The following GRID1 variants were observed in gnomAD, a reference collection of about 807,000 sequenced individuals.
The protein encoded by GRID1 is glutamate receptor ionotropic, delta-1.
Under a neutral mutation model 98.0 loss-of-function variants are expected in GRID1, and 28 were observed. The observed-to-expected ratio is 0.29, with a 90% CI of 0.21 to 0.39. The LOEUF is 0.39. GRID1 is among the 10% of genes least tolerant of loss of function. The pLI, the probability that GRID1 is intolerant of heterozygous loss-of-function variation, is 1.00. For missense variants in GRID1, 1,111 were observed against 1,340.5 expected (o/e 0.83, Z 2.67); for synonymous variants, 553 against 538.5 (o/e 1.03, Z -0.37).
intron 8 of GRID1, among the ~76,000 whole-genome samples, chr10:85,780,224 T>C (rs2132725219): frequency 6.6e-6 from 1 of 152,316 alleles, no homozygotes; most frequent in Admixed American, 6.5e-5. Flanking sequence ...GAGGCCACTG[T>C]CCACTCAGAG....
chr10:86,285,570 C>A (rs1847419579), intron 2 of GRID1, among the ~76,000 whole-genome samples: 1 of 152,220 alleles, frequency 6.6e-6, no homozygotes, highest in Non-Finnish European at 1.5e-5. Flanking sequence ...ACTGTGCCCA[C>A]CACCTGGCCT....
chr10:86,043,542 C>G (rs1843377304), intron 4 of GRID1, among the ~76,000 whole-genome samples: 5 of 152,162 alleles, frequency 3.3e-5, no homozygotes, highest in Admixed American at 1.3e-4. Flanking sequence ...AGGCTGGGGC[C>G]TGGAGGAGCA....
At chr10:85,925,596 G>T (rs1841763634) in intron 4 of GRID1, among the ~76,000 whole-genome samples, 1 of 152,224 alleles carries the variant, frequency 6.6e-6, no homozygotes, top group African/African-American at 2.4e-5. Context: ...AAACTGATTA[G>T]AAATGTTTTC....
At chr10:85,827,349 G>C (rs1842829078) in intron 8 of GRID1, among the ~76,000 whole-genome samples, 1 of 152,014 alleles carries the variant, frequency 6.6e-6, no homozygotes, top group African/African-American at 2.4e-5. Context: ...AGTATCAACA[G>C]CAGAATTGAC....
intron 4 of GRID1, among the ~76,000 whole-genome samples, chr10:85,971,554 A>G (rs1842408703): frequency 6.6e-6 from 1 of 152,170 alleles, no homozygotes; most frequent in African/African-American, 2.4e-5. Context: ...CAAGCCTTTT[A>G]CAAAACAGGA....
intron 3 of GRID1, among the ~76,000 whole-genome samples, chr10:86,203,428 C>T (rs918785179): frequency 1.3e-5 from 2 of 151,964 alleles, no homozygotes; most frequent in Non-Finnish European, 2.9e-5. Context: ...CATCAAACAG[C>T]AGATAGGCTG....
intron 12 of GRID1, among the ~76,000 whole-genome samples, chr10:85,705,254 T>G (rs1034247860): frequency 6.6e-6 from 1 of 151,194 alleles, no homozygotes; most frequent in Non-Finnish European, 1.5e-5. Flanking sequence ...GAGAGAAGAA[T>G]CAAATAGATG....
Position 85,722,988 on chromosome 10 carries a change from G to A in GRID1, c.1997+15C>T. 2 of 1,600,252 alleles carry A rather than the reference G, an allele frequency of 1.2e-6. No homozygotes were observed. The highest frequency in any genetic ancestry group is 1.7e-6 in the Non-Finnish European group (2 of 1,172,552). On this transcript the variant is annotated intron_variant, in intron 12 of 15. Coordinates refer to ENST00000327946, the MANE Select transcript of GRID1 (RefSeq NM_017551.3). ...TCTGAGCTGCTGGCTCCAGATCAAG[G>A]AGGAATAGGCTTACCTTATGGGGTT...
Position 86,160,054 on chromosome 10 carries a change from CATT to C in GRID1, c.521-21033_521-21031del, listed in dbSNP as rs534737788. Among the ~76,000 whole-genome samples the C allele has an allele frequency of 4.0e-3, 604 of 152,196 alleles. 2 individuals are homozygous for C. The highest frequency in any genetic ancestry group is 0.01 in the Middle Eastern group (3 of 294). On this transcript the variant is annotated intron_variant, in intron 3 of 15. Transcript: ENST00000327946. ...CCACCATCAACACCAGCATCATCATCATTATCATCATCATCATCGTGTGAGCCA... is the reference window on the plus strand; with the variant it reads ...CCACCATCAACACCAGCATCATCATCATCATCATCATCATCGTGTGAGCCA...
intron 2 of GRID1, among the ~76,000 whole-genome samples, chr10:86,308,036 T>C (rs1847783029): frequency 6.6e-6 from 1 of 152,150 alleles, no homozygotes; most frequent in Non-Finnish European, 1.5e-5. Flanking sequence ...TTTATACCCA[T>C]TGAACAACAG....
intron 4 of GRID1, among the ~76,000 whole-genome samples, chr10:86,036,290 T>G (rs376207366): frequency 1.3e-5 from 2 of 152,324 alleles, no homozygotes; most frequent in Admixed American, 6.5e-5. Context: ...TTTCTGGCCT[T>G]GGGTCACACA....
At chr10:85,764,412 T>G (rs955100335) in intron 8 of GRID1, among the ~76,000 whole-genome samples, 16 of 152,188 alleles carry the variant, frequency 1.1e-4, no homozygotes, top group Non-Finnish European at 2.2e-4. Context: ...TCACAAGTCC[T>G]CAGTGAAGCC....
At chr10:86,025,480 T>C (rs969823475) in intron 4 of GRID1, among the ~76,000 whole-genome samples, 3 of 152,186 alleles carry the variant, frequency 2.0e-5, no homozygotes, top group Non-Finnish European at 2.9e-5. Context: ...TTTCCTACGA[T>C]AGTAGTCACA....
intron 3 of GRID1, among the ~76,000 whole-genome samples, chr10:86,146,664 A>G (rs1337902126): frequency 6.6e-6 from 1 of 151,836 alleles, no homozygotes; most frequent in Admixed American, 6.6e-5. Context: ...CCTTCCTCAT[A>G]TATTTCCTGA....
intron 5 of GRID1, among the ~76,000 whole-genome samples, chr10:85,895,039 A>ATG (rs370200025): frequency 1.4e-5 from 2 of 142,664 alleles, no homozygotes; most frequent in East Asian, 2.1e-4. Context: ...ATATATATAT[A>ATG]TGTAAAATAT....
chr10:85,788,147 A>C (rs546161206), intron 8 of GRID1, among the ~76,000 whole-genome samples: 5 of 152,182 alleles, frequency 3.3e-5, no homozygotes, highest in Non-Finnish European at 7.4e-5. Context: ...ACCAATTAAG[A>C]GCTGATGAAT....
chr10:86,125,342 A>T (rs1298088426), intron 4 of GRID1, among the ~76,000 whole-genome samples: 1 of 152,200 alleles, frequency 6.6e-6, no homozygotes, highest in Non-Finnish European at 1.5e-5. Flanking sequence ...AAAAAGCTAT[A>T]AGACCCACGA....
At chr10:85,611,652 G>A (rs1842734051) in intron 15 of GRID1, among the ~76,000 whole-genome samples, 1 of 152,166 alleles carries the variant, frequency 6.6e-6, no homozygotes, top group Admixed American at 6.5e-5. Flanking sequence ...TACTGGGGGT[G>A]GCTTTGGGGC....
chr10:85,896,738 T>C (rs1841299328), intron 5 of GRID1, among the ~76,000 whole-genome samples: 1 of 152,200 alleles, frequency 6.6e-6, no homozygotes, highest in Non-Finnish European at 1.5e-5. Context: ...ATTATATTCA[T>C]GTCACAAGAT....
Sources: allele counts gnomAD v4.1 joint callset (sites outside exome capture counted in the v4.1 genomes callset), GRCh38; gene constraint gnomAD v4.1.1; transcripts MANE v1.5; gene names NCBI Gene and HGNC (gene_info 2026-07-23, HGNC 2026-07-21).